Variants in POC5 observed in about 807,000 individuals in gnomAD.
POC5 encodes the protein centrosomal protein POC5.
POC5 carries 48 observed loss-of-function variants against 62.9 expected under a neutral mutation model. The ratio of observed to expected loss-of-function variants is 0.76; its 90% confidence interval spans 0.61 to 0.97. The LOEUF is 0.97. Ranked by LOEUF, POC5 falls within the 50% of genes least tolerant of loss-of-function variation. POC5 has a pLI of 0.00. For missense variants in POC5, 696 were observed against 679.5 expected (o/e 1.02, Z -0.27); for synonymous variants, 236 against 228.2 (o/e 1.03, Z -0.31).
At position 75,688,878 on chromosome 5, in the gene POC5, T is replaced by C. The variant is rs577753759; in HGVS notation, c.1129+134A>G. 33 of 899,722 alleles carry C rather than the reference T, an allele frequency of 3.7e-5. No individual in the cohort carries two copies. In the East Asian group the frequency reaches 7.4e-4, roughly 20 times the overall value. The allele number at this position is 899,722 out of a possible 1,614,324, so 55.7% of individuals were successfully genotyped here. On this transcript the variant is annotated intron_variant, in intron 9 of 11. Coordinates refer to ENST00000428202, the MANE Select transcript of POC5 (RefSeq NM_001099271.2). ...AGATTTAAGTCTGGATATGACACCA[T>C]AGAATTAAGAATAGCAGCACCTGGA...
Position 75,702,688 on chromosome 5 carries a change from T to C in POC5, c.430A>G (p.Ile144Val). Residue 144 changes from isoleucine to valine, a missense_variant, in exon 5 of 12, where the codon ATA becomes GTA. Ile to Val is a conservative substitution (Grantham distance 29, BLOSUM62 3). Coordinates refer to ENST00000428202, the MANE Select transcript of POC5 (RefSeq NM_001099271.2). ...GAAACAAGAAAATCGCTCACAAGTA[T>C]TTCATGGGCATCTGTATGACTAGAA... ...TNSSHTDAHEILVSDFLVSDE... is the reference protein window; with the variant it reads ...TNSSHTDAHEVLVSDFLVSDE... 1.2e-6 allele frequency: 2 copies of C among 1,611,876 alleles called. No homozygotes were observed. The highest frequency in any genetic ancestry group is 1.3e-5 in the African/African-American group (1 of 75,054).
chr5:75,702,767 G>T lies in POC5; in HGVS notation c.351C>A (p.Val117=), dbSNP rs1432299876. ...AAAGATGTGAACTGAAAAAATCCATGACTGGGTGAGAAGGCTTCCTTGGCG... is the reference window on the plus strand; with the variant it reads ...AAAGATGTGAACTGAAAAAATCCATTACTGGGTGAGAAGGCTTCCTTGGCG... The part of the protein sequence containing the change: ...VLSPRKPSHP[V]MDFFSSHLLA... The change falls in exon 5 of 12, where the codon GTC becomes GTA. Residue 117 remains valine, a synonymous_variant. Coordinates refer to ENST00000428202, the MANE Select transcript of POC5 (RefSeq NM_001099271.2). The T allele has an allele frequency of 1.3e-6, 2 of 1,593,854 alleles. No homozygotes were observed. Among genetic ancestry groups the T allele is most frequent in the East Asian group, 2.3e-5 (1 of 44,372 alleles).
At chr5:75,698,710 C>A (rs372127163) in intron 5 of POC5, among the ~76,000 whole-genome samples, 1 of 151,808 alleles carries the variant, frequency 6.6e-6, no homozygotes, top group African/African-American at 2.4e-5. Flanking sequence ...CAAGAAATAA[C>A]TAAAATCAGA....
chr5:75,694,950 A>G, intron 5 of POC5, 119 bp from the exon 6 acceptor site: 2 of 693,704 alleles, frequency 2.9e-6, no homozygotes, highest in South Asian at 2.5e-5. Context: ...AAAGTCATTA[A>G]AACAATTGGA....
chr5:75,696,890 G>A (rs1358377191), intron 5 of POC5, among the ~76,000 whole-genome samples: 13 of 151,544 alleles, frequency 8.6e-5, no homozygotes, highest in African/African-American at 1.2e-4. Context: ...ACCAAGGCTC[G>A]AGAACTACGT....
intron 10 of POC5, among the ~76,000 whole-genome samples, chr5:75,684,966 C>T (rs1461081232): frequency 3.3e-5 from 5 of 150,966 alleles, no homozygotes; most frequent in Non-Finnish European, 7.4e-5. Context: ...CTACAGGGTT[C>T]ACGCCATTCT....
Position 75,674,406 on chromosome 5 carries a change from TA to T in POC5, c.*28del. On this transcript the variant is annotated 3_prime_UTR_variant, in exon 12 of 12. Transcript: ENST00000428202. ...TAACCCTTGGTAAGACCAGAGGGAT[TA>T]AAAGACCCCACTATGGACATATTCA... 1 of 1,608,904 alleles carries T rather than the reference TA, an allele frequency of 6.2e-7. No individual in the cohort carries two copies.
intron 9 of POC5, among the ~76,000 whole-genome samples, chr5:75,686,644 A>G (rs1016387461): frequency 6.6e-6 from 1 of 152,210 alleles, no homozygotes; most frequent in African/African-American, 2.4e-5. Context: ...ATGGTGGCAG[A>G]CATTAGGAGA....
At chr5:75,716,396 G>GGT (rs1491566192) in intron 1 of POC5, among the ~76,000 whole-genome samples, 8 of 82,794 alleles carry the variant, frequency 9.7e-5, no homozygotes, top group South Asian at 4.9e-4. Context: ...GGGGGGGGGG[G>GGT]TGCTGATTAT....
chr5:75,694,748 T>A lies in POC5; in HGVS notation c.597A>T (p.Lys199Asn), dbSNP rs780416594. Residue 199 changes from lysine (K) to asparagine (N), a missense_variant, in exon 6 of 12, where the codon AAA (lysine) becomes AAT (asparagine). Physicochemically the swap from Lys to Asn is moderately conservative, Grantham distance 94. Transcript: ENST00000428202. ...HRMEMRKEKE[K>N]HAAHLKQLCN... ...ACAGTTGTTTTAAATGTGCTGCATG[T>A]TTTTCTTTCTCTTTTCTCATTTCCA... is the stretch of plus-strand genomic sequence containing the variant. 1 of 1,596,664 alleles carries A rather than the reference T, an allele frequency of 6.3e-7. No homozygotes were observed. The highest frequency in any genetic ancestry group is 1.1e-5 in the South Asian group (1 of 90,016).
At chr5:75,703,564 T>G (rs994607418) in intron 4 of POC5, among the ~76,000 whole-genome samples, 1 of 152,000 alleles carries the variant, frequency 6.6e-6, no homozygotes, top group African/African-American at 2.4e-5. Context: ...AGGCAGAGGT[T>G]GCAGTGAGCC....
intron 9 of POC5, among the ~76,000 whole-genome samples, chr5:75,686,035 C>A (rs1776085959): frequency 6.6e-6 from 1 of 152,144 alleles, no homozygotes; most frequent in Non-Finnish European, 1.5e-5. Context: ...ACTTTTTACA[C>A]TGTAAAAGAA....
intron 6 of POC5, among the ~76,000 whole-genome samples, chr5:75,694,261 G>T (rs1421044559): frequency 6.6e-6 from 1 of 152,074 alleles, no homozygotes; most frequent in South Asian, 2.1e-4. Context: ...GATAATGCTC[G>T]TTCCTTCACG....
intron 5 of POC5, among the ~76,000 whole-genome samples, chr5:75,699,604 C>A (rs1203688393): frequency 2.9e-5 from 4 of 136,336 alleles, no homozygotes; most frequent in African/African-American, 1.1e-4. Flanking sequence ...AACCCACAGC[C>A]AATATCATAC....
At position 75,688,255 on chromosome 5, in the gene POC5, G is replaced by A. The variant is rs560416724; in HGVS notation, c.1129+757C>T. On this transcript the variant is annotated intron_variant, in intron 9 of 11. Coordinates refer to ENST00000428202, the MANE Select transcript of POC5 (RefSeq NM_001099271.2). ...TTACATCATGACTATCATCTTACAC[G>A]TTAAAGTGCATTTTGTCTTTTAAAG... Among the ~76,000 whole-genome samples the A allele has an allele frequency of 9.9e-5, 15 of 152,268 alleles. No homozygotes were observed. The East Asian group carries it at 2.5e-3, about 25-fold the overall frequency.
At chr5:75,681,799 T>C (rs1367122924) in intron 10 of POC5, among the ~76,000 whole-genome samples, 4 of 152,140 alleles carry the variant, frequency 2.6e-5, no homozygotes, top group Admixed American at 1.3e-4. Context: ...AGGAAGCCTC[T>C]GTGATTAAAA....
intron 1 of POC5, among the ~76,000 whole-genome samples, chr5:75,715,729 G>C (rs977900118): frequency 1.3e-5 from 2 of 152,108 alleles, no homozygotes; most frequent in Non-Finnish European, 2.9e-5. Flanking sequence ...AAGATCTTTC[G>C]CTTTAAATAT....
In POC5 at chr5:75,705,787, C is replaced by A. The variant is rs866637092; in HGVS notation, c.224G>T (p.Gly75Val). 6.5e-7 allele frequency: 1 copy of A among 1,529,274 alleles called. No homozygotes were observed. The highest frequency in any genetic ancestry group is 1.4e-5 in the African/African-American group (1 of 71,824). 94.7% of individuals were successfully genotyped at this position (1,529,274 alleles called of 1,614,324 possible). A position where few individuals can be genotyped will look rare whatever the true frequency, so the allele number is the denominator to read the frequency against. ...STIHDILHSQ[G>V]NNSEVRETAI... The stretch of plus-strand genomic sequence containing the variant: ...AGTTTCTCTTACTTCAGAGTTATTT[C>A]CTGCCAAAAAGAAAGCTTTTTAAAA... The change falls in exon 4 of 12, where the codon GGA becomes GTA. Residue 75 changes from glycine (G) to valine (V), a missense_variant and splice_region_variant. Physicochemically the swap from Gly to Val is moderately radical, Grantham distance 109. Coordinates refer to ENST00000428202, the MANE Select transcript of POC5 (RefSeq NM_001099271.2).
At chr5:75,700,938 A>G (rs953794997) in intron 5 of POC5, among the ~76,000 whole-genome samples, 2 of 136,782 alleles carry the variant, frequency 1.5e-5, no homozygotes, top group Non-Finnish European at 3.3e-5. Context: ...TCAAAAGAAG[A>G]CATTTATGCA....
Sources: allele counts gnomAD v4.1 joint callset (sites outside exome capture counted in the v4.1 genomes callset), GRCh38; gene constraint gnomAD v4.1.1; transcripts MANE v1.5; gene names NCBI Gene and HGNC (gene_info 2026-07-23, HGNC 2026-07-21).